The following PAK2 variants were observed in gnomAD, a reference collection of about 807,000 sequenced individuals.
PAK2 encodes the protein serine/threonine-protein kinase PAK 2.
Under a neutral mutation model 65.9 loss-of-function variants are expected in PAK2, and 21 were observed. The ratio of observed to expected loss-of-function variants is 0.32; its 90% CI spans 0.23 to 0.46. The LOEUF is 0.46. PAK2 is among the 20% of genes least tolerant of loss of function. The probability of loss-of-function intolerance (pLI) is 1.00; values close to 1 mark genes in which losing one functional copy is unlikely to be tolerated. For synonymous variants in PAK2, 204 were observed against 219.7 expected, an observed-to-expected ratio of 0.93 and a Z score of 0.63; for missense variants, 324 against 642.6, an observed-to-expected ratio of 0.50 and a Z score of 5.36.
At chr3:196,792,108 C>T (rs1406072751) in intron 2 of PAK2, among the ~76,000 whole-genome samples, 1 of 152,128 alleles carries the variant, frequency 6.6e-6, no homozygotes, top group Non-Finnish European at 1.5e-5. Flanking sequence ...CACCTCGGAC[C>T]AGTCATCTGT....
intron 11 of PAK2, among the ~76,000 whole-genome samples, chr3:196,817,838 T>A (rs1483295331): frequency 1.3e-5 from 2 of 152,136 alleles, no homozygotes. Context: ...CTACTGACTT[T>A]TTAAAAAATT....
chr3:196,760,044 C>G (rs1427791579), intron 1 of PAK2, among the ~76,000 whole-genome samples: 13 of 152,156 alleles, frequency 8.5e-5, no homozygotes, highest in Non-Finnish European at 4.4e-5. Context: ...TTTCATTTAA[C>G]ACAGTGTTTT....
At chr3:196,766,497 C>G (rs914530028) in intron 1 of PAK2, among the ~76,000 whole-genome samples, 1 of 152,076 alleles carries the variant, frequency 6.6e-6, no homozygotes, top group African/African-American at 2.4e-5. Flanking sequence ...ATTGTAAATG[C>G]AAATAAGGTG....
Position 196,791,922 on chromosome 3 carries a change from C to CAA in PAK2, c.187+9103_187+9104dup, listed in dbSNP as rs11401261. Among the ~76,000 whole-genome samples the CAA allele has an allele frequency of 0.026, 3,598 of 138,442 alleles. 68 individuals are homozygous for CAA. The highest frequency in any genetic ancestry group is 0.034 in the Non-Finnish European group (2,191 of 63,788). The allele number at this position is 138,442 out of a possible 152,430, so 90.8% of individuals were successfully genotyped here. A position where few individuals can be genotyped will look rare whatever the true frequency, so the allele number is the denominator to read the frequency against. On this transcript the variant is annotated intron_variant, in intron 2 of 14. Transcript: ENST00000327134. The surrounding 1 kb of genome is among the most constrained non-coding windows in gnomAD (Gnocchi z 4.0). ...CCTGGGCGACAGAGCGAGACTCCGT[C>CAA]AAAAAAAAAAAAAAAGAAATAGAAT...
At chr3:196,755,807 G>C (rs1713748647) in intron 1 of PAK2, among the ~76,000 whole-genome samples, 1 of 151,708 alleles carries the variant, frequency 6.6e-6, no homozygotes, top group Non-Finnish European at 1.5e-5. Flanking sequence ...CCAGCCTGGA[G>C]TACAGCGGCA....
intron 2 of PAK2, among the ~76,000 whole-genome samples, chr3:196,786,804 C>T (rs1032462473): frequency 6.6e-6 from 1 of 151,146 alleles, no homozygotes; most frequent in Non-Finnish European, 1.5e-5. Flanking sequence ...AGCACCCTGT[C>T]TTGATTACTA....
chr3:196,789,623 C>T lies in PAK2; in HGVS notation c.187+6790C>T, dbSNP rs1715003427. Among the ~76,000 whole-genome samples, 2 of 152,046 alleles carry T rather than the reference C, an allele frequency of 1.3e-5. 1 individual carries two copies. The highest frequency in any genetic ancestry group is 4.2e-4 in the South Asian group (2 of 4,818). Reference sequence around the variant, plus strand: ...GACTAGAGGTGCACGCCACCACGCCCAGCTAATTTTTTTGTATTTTTAGTA... The same window carrying T: ...GACTAGAGGTGCACGCCACCACGCCTAGCTAATTTTTTTGTATTTTTAGTA... On this transcript the variant is annotated intron_variant, in intron 2 of 14. Coordinates refer to ENST00000327134, the MANE Select transcript of PAK2 (RefSeq NM_002577.4).
intron 1 of PAK2, among the ~76,000 whole-genome samples, chr3:196,781,600 C>G (rs1714715286): frequency 6.6e-6 from 1 of 152,198 alleles, no homozygotes; most frequent in South Asian, 2.1e-4. Context: ...ATCTGCAAAA[C>G]TCAAAAGACT....
intron 5 of PAK2, among the ~76,000 whole-genome samples, chr3:196,805,889 T>C (rs1190658079): frequency 1.3e-5 from 2 of 150,694 alleles, no homozygotes; most frequent in Non-Finnish European, 3.0e-5. Flanking sequence ...TTATATTTTA[T>C]TTTATTTTAT....
At chr3:196,826,782 A>G (rs574828446) in intron 13 of PAK2, among the ~76,000 whole-genome samples, 2 of 151,948 alleles carry the variant, frequency 1.3e-5, no homozygotes, top group Non-Finnish European at 2.9e-5. Context: ...TTAGCAGGTC[A>G]TGGTGGTATG....
At chr3:196,819,426 G>A (rs1711583129) in intron 12 of PAK2, among the ~76,000 whole-genome samples, 1 of 152,176 alleles carries the variant, frequency 6.6e-6, no homozygotes, top group Non-Finnish European at 1.5e-5. Context: ...GGGCAACAGA[G>A]TGAAACCCTG....
chr3:196,769,628 G>T (rs546066655), intron 1 of PAK2, among the ~76,000 whole-genome samples: 23 of 140,448 alleles, frequency 1.6e-4, no homozygotes, highest in African/African-American at 6.0e-4. Context: ...TGGCTAACAC[G>T]GTGAAACCCC....
At chr3:196,772,843 A>T (rs1714402002) in intron 1 of PAK2, among the ~76,000 whole-genome samples, 1 of 152,214 alleles carries the variant, frequency 6.6e-6, no homozygotes, top group South Asian at 2.1e-4. Context: ...GTGATTAATT[A>T]GTGTTACTGC....
intron 4 of PAK2, among the ~76,000 whole-genome samples, chr3:196,804,547 A>G (rs2108757832): frequency 6.6e-6 from 1 of 152,228 alleles, no homozygotes; most frequent in Middle Eastern, 3.4e-3. Context: ...GGCTTGCCAG[A>G]ACCCCCGCCT....
intron 2 of PAK2, among the ~76,000 whole-genome samples, chr3:196,794,570 T>G (rs909377810): frequency 6.6e-6 from 1 of 152,212 alleles, no homozygotes; most frequent in Non-Finnish European, 1.5e-5. Context: ...TCCACCATCT[T>G]GGGTTCCCTG....
At chr3:196,751,667 T>A (rs71617349) in intron 1 of PAK2, among the ~76,000 whole-genome samples, 14,616 of 38,106 alleles carry the variant, frequency 0.38, 2,474 homozygotes, top group African/African-American at 0.53. Flanking sequence ...ACAAATTTAT[T>A]TATATACATA....
chr3:196,745,828 AAAAG>A (rs200379762), intron 1 of PAK2, among the ~76,000 whole-genome samples: 15 of 151,418 alleles, frequency 9.9e-5, no homozygotes, highest in African/African-American at 3.1e-4. Flanking sequence ...TAAAAAAAAA[AAAAG>A]AAGAAGTAGT....
chr3:196,815,928 A>T (rs2108769579), intron 11 of PAK2, among the ~76,000 whole-genome samples: 1 of 152,228 alleles, frequency 6.6e-6, no homozygotes. Flanking sequence ...GAAACCGGTT[A>T]TTTCTTTATA....
intron 2 of PAK2, among the ~76,000 whole-genome samples, chr3:196,795,682 AGT>A (rs754271157): frequency 1.7e-4 from 26 of 152,216 alleles, no homozygotes; most frequent in Non-Finnish European, 3.4e-4. Context: ...TACTATTGAA[AGT>A]GTCTTTCCAA....
Sources: allele counts gnomAD v4.1 joint callset (sites outside exome capture counted in the v4.1 genomes callset), GRCh38; gene constraint gnomAD v4.1.1; non-coding constraint Gnocchi (gnomAD v3.1); transcripts MANE v1.5; gene names NCBI Gene and HGNC (gene_info 2026-07-23, HGNC 2026-07-21).